The following CCDC171 variants were observed in gnomAD, a reference collection of about 807,000 sequenced individuals.
The protein encoded by CCDC171 is coiled-coil domain-containing protein 171.
In CCDC171, 177 loss-of-function variants were observed where a neutral mutation model predicts 168.2. That is an observed-to-expected ratio of 1.05 (90% CI 0.93 to 1.19). The LOEUF (loss-of-function observed/expected upper bound fraction) is 1.19. CCDC171 is among the 50% of genes most tolerant of loss of function. CCDC171 has a pLI of 0.00. For missense variants in CCDC171, 1,991 were observed against 1,539.0 expected (o/e 1.29, Z -4.91); for synonymous variants, 687 against 540.8 (o/e 1.27, Z -3.75).
intron 3 of CCDC171, among the ~76,000 whole-genome samples, chr9:16,006,621 C>G (rs1017582747): frequency 1.3e-5 from 2 of 150,868 alleles, no homozygotes; most frequent in South Asian, 2.1e-4. Context: ...GTGATGTTCC[C>G]CTTCCTGTGT....
At chr9:15,643,740 C>G (rs1293844715) in intron 7 of CCDC171, among the ~76,000 whole-genome samples, 1 of 152,204 alleles carries the variant, frequency 6.6e-6, no homozygotes, top group South Asian at 2.1e-4. Flanking sequence ...TCTCCTTCTT[C>G]CCTATCCTCC....
chr9:15,997,629 G>A (rs1832414288), intron 3 of CCDC171, among the ~76,000 whole-genome samples: 1 of 152,114 alleles, frequency 6.6e-6, no homozygotes. Context: ...TGATCTAAGT[G>A]CTATAAATGA....
At chr9:15,557,959 T>G (rs1371753268) in intron 1 of CCDC171, among the ~76,000 whole-genome samples, 2 of 152,156 alleles carry the variant, frequency 1.3e-5, no homozygotes, top group African/African-American at 4.8e-5. Context: ...TGTTGTTGAA[T>G]TTTGTCAAAG....
rs572645783 is a variant in CCDC171 at position 15,554,133 on chromosome 9, T to C, written c.-112+831T>C. Among the ~76,000 whole-genome samples the C allele has an allele frequency of 4.6e-4, 70 of 152,116 alleles. 1 individual carries two copies. The highest frequency in any genetic ancestry group is 3.4e-3 in the Middle Eastern group (1 of 294). On this transcript the variant is annotated intron_variant, in intron 1 of 25. Coordinates refer to ENST00000380701, the MANE Select transcript of CCDC171 (RefSeq NM_173550.4). ...CTCCCGGGTTCACGCCATTCTCCTG[T>C]CTCAGCCTCCCCAGCAGCCGGGACA... is the stretch of plus-strand genomic sequence containing the variant.
chr9:15,932,822 A>C (rs1464605628), intron 25 of CCDC171, among the ~76,000 whole-genome samples: 1 of 151,606 alleles, frequency 6.6e-6, no homozygotes, highest in Non-Finnish European at 1.5e-5. Flanking sequence ...TAGATTTTGA[A>C]TTTTGTCATC....
intron 25 of CCDC171, among the ~76,000 whole-genome samples, chr9:15,921,675 G>A (rs1433825570): frequency 6.6e-6 from 1 of 151,548 alleles, no homozygotes; most frequent in African/African-American, 2.4e-5. Flanking sequence ...TGGGACCAGA[G>A]TTGTGAGTTC....
At chr9:15,949,456 A>G (rs1251201767) in intron 25 of CCDC171, among the ~76,000 whole-genome samples, 1 of 152,212 alleles carries the variant, frequency 6.6e-6, no homozygotes, top group East Asian at 1.9e-4. Flanking sequence ...ACACATGAGC[A>G]TGGAATGTTC....
At chr9:16,009,645 C>T (rs1386339458) in intron 3 of CCDC171, among the ~76,000 whole-genome samples, 2 of 152,012 alleles carry the variant, frequency 1.3e-5, no homozygotes, top group African/African-American at 4.8e-5. Context: ...CCACATACAT[C>T]AATAGTCAAA....
chr9:15,598,782 C>G (rs754185631), intron 6 of CCDC171, among the ~76,000 whole-genome samples: 4 of 152,158 alleles, frequency 2.6e-5, no homozygotes, highest in Admixed American at 6.6e-5. Context: ...GTGTGGGAGT[C>G]TAAGTCCTTT....
intron 8 of CCDC171, among the ~76,000 whole-genome samples, chr9:15,662,976 G>A (rs922779202): frequency 3.8e-5 from 5 of 131,100 alleles, no homozygotes; most frequent in African/African-American, 6.2e-5. Context: ...GCGAGACTTC[G>A]TCTCAACAAC....
intron 21 of CCDC171, among the ~76,000 whole-genome samples, chr9:15,845,447 A>C (rs2060854412): frequency 6.6e-6 from 1 of 152,072 alleles, no homozygotes; most frequent in African/African-American, 2.4e-5. Flanking sequence ...AACATTTAAA[A>C]ATACCTGGTT....
chr9:15,620,259 C>A (rs2044399961), intron 6 of CCDC171, among the ~76,000 whole-genome samples: 1 of 152,062 alleles, frequency 6.6e-6, no homozygotes, highest in Admixed American at 6.5e-5. Flanking sequence ...TGGATCTAGG[C>A]AAATTAAATT....
At chr9:15,686,078 T>C (rs1291011370) in intron 10 of CCDC171, among the ~76,000 whole-genome samples, 1 of 152,186 alleles carries the variant, frequency 6.6e-6, no homozygotes, top group East Asian at 1.9e-4. Flanking sequence ...TTAGTTAAGA[T>C]TGAGCTCTAT....
chr9:15,788,015 C>T (rs549499666), intron 21 of CCDC171, among the ~76,000 whole-genome samples: 32 of 152,212 alleles, frequency 2.1e-4, no homozygotes, highest in South Asian at 6.2e-4. Flanking sequence ...AATATCTTTA[C>T]GCAGATAAAG....
At chr9:15,872,267 A>T (rs1217649819) in intron 23 of CCDC171, among the ~76,000 whole-genome samples, 1 of 152,078 alleles carries the variant, frequency 6.6e-6, no homozygotes, top group African/African-American at 2.4e-5. Flanking sequence ...AATTTGGCAA[A>T]TTAAGTAATG....
chr9:15,603,183 A>T (rs528651040), intron 6 of CCDC171, among the ~76,000 whole-genome samples: 8 of 151,742 alleles, frequency 5.3e-5, no homozygotes, highest in Non-Finnish European at 8.8e-5. Context: ...ACAGGGTTTC[A>T]CCGTGTTAGC....
intron 3 of CCDC171, among the ~76,000 whole-genome samples, chr9:15,574,946 G>C (rs148608350): frequency 6.6e-6 from 1 of 152,262 alleles, no homozygotes; most frequent in African/African-American, 2.4e-5. Flanking sequence ...ATACGTTCCA[G>C]ATGAGACTGA....
intron 25 of CCDC171, among the ~76,000 whole-genome samples, chr9:15,969,589 C>G (rs898347176): frequency 6.6e-6 from 1 of 152,084 alleles, no homozygotes; most frequent in Non-Finnish European, 1.5e-5. Flanking sequence ...TTTTCTTAGA[C>G]CAGAACTTGA....
At chr9:15,890,149 C>A (rs933337243) in intron 24 of CCDC171, among the ~76,000 whole-genome samples, 2 of 150,444 alleles carry the variant, frequency 1.3e-5, no homozygotes, top group Admixed American at 6.6e-5. Flanking sequence ...CTCTGGGACA[C>A]AAAGGTAACT....
Sources: gnomAD v4.1 joint callset for allele counts (sites outside exome capture counted in the v4.1 genomes callset) on GRCh38, gnomAD v4.1.1 for gene constraint, MANE v1.5 for transcripts, NCBI Gene and HGNC (gene_info 2026-07-23, HGNC 2026-07-21) for gene names.